Variants in KIF16B observed in about 807,000 individuals in gnomAD.
KIF16B encodes the protein kinesin-like protein KIF16B.
Under a neutral mutation model 156.3 loss-of-function variants are expected in KIF16B, and 98 were observed. The observed-to-expected ratio is 0.63, with a 90% CI of 0.53 to 0.74. KIF16B has a LOEUF of 0.74. Among genes scored for constraint, KIF16B ranks in the 30% least tolerant of loss-of-function variants. The pLI is 0.00. For missense variants in KIF16B, 1,421 were observed against 1,606.5 expected (o/e 0.88, Z 1.97); for synonymous variants, 564 against 583.7 (o/e 0.97, Z 0.49).
chr20:16,550,892 A>C (rs1439573449), intron 1 of KIF16B, among the ~76,000 whole-genome samples: 1 of 152,088 alleles, frequency 6.6e-6, no homozygotes, highest in Non-Finnish European at 1.5e-5. Flanking sequence ...CGGGTGTTCT[A>C]AAACATTTTT....
At chr20:16,284,665 G>A (rs1332600897) in intron 25 of KIF16B, among the ~76,000 whole-genome samples, 1 of 152,116 alleles carries the variant, frequency 6.6e-6, no homozygotes, top group Admixed American at 6.5e-5. Context: ...TTCCTCACGA[G>A]CTCAAAGAGG....
intron 1 of KIF16B, among the ~76,000 whole-genome samples, chr20:16,543,516 A>C (rs2070284563): frequency 6.6e-6 from 1 of 152,218 alleles, no homozygotes; most frequent in Admixed American, 6.5e-5. Context: ...CAGATGCCTT[A>C]CTCAAGGTAT....
intron 19 of KIF16B, among the ~76,000 whole-genome samples, 195 bp from the exon 20 acceptor site, chr20:16,374,604 C>T (rs1034239363): frequency 4.6e-5 from 7 of 152,130 alleles, no homozygotes; most frequent in African/African-American, 1.4e-4. Context: ...AAGAAGGGTC[C>T]AGGACGAGCA....
In KIF16B at chr20:16,336,082, A is replaced by G. The variant is rs566229553; in HGVS notation, c.3622-67T>C. ...AAAAGTCACTAAAATTTTTCAAAAG[A>G]ATTTAAAAATTAAATTTAAAAAAAG... On this transcript the variant is annotated intron_variant, in intron 23 of 25. Transcript: ENST00000354981. 1.2e-4 allele frequency: 115 copies of G among 935,278 alleles called. 3 individuals carry two copies. The South Asian group carries it at 1.7e-3, about 14-fold the overall frequency. 57.9% of individuals were successfully genotyped at this position (935,278 alleles called of 1,614,324 possible). A position where few individuals can be genotyped will look rare whatever the true frequency, so the allele number is the denominator to read the frequency against.
intron 1 of KIF16B, among the ~76,000 whole-genome samples, chr20:16,538,091 C>T (rs568051764): frequency 1.3e-5 from 2 of 152,252 alleles, no homozygotes; most frequent in South Asian, 4.1e-4. Flanking sequence ...CCCCCTCATA[C>T]ACCTACCTAG....
chr20:16,341,657 T>A (rs762668868), intron 23 of KIF16B, among the ~76,000 whole-genome samples: 3 of 152,254 alleles, frequency 2.0e-5, no homozygotes, highest in Admixed American at 6.5e-5. Context: ...TCAGCTGCAC[T>A]GGGGCACTTG....
intron 25 of KIF16B, among the ~76,000 whole-genome samples, chr20:16,293,072 G>T (rs1378815534): frequency 6.6e-6 from 1 of 151,654 alleles, no homozygotes; most frequent in Non-Finnish European, 1.5e-5. Flanking sequence ...CAGACCACGA[G>T]GTTCAACACT....
At chr20:16,476,536 C>T (rs369731794) in intron 12 of KIF16B, among the ~76,000 whole-genome samples, 1 of 152,004 alleles carries the variant, frequency 6.6e-6, no homozygotes, top group Non-Finnish European at 1.5e-5. Context: ...AAATACAAGC[C>T]CTTTATTCAA....
intron 24 of KIF16B, among the ~76,000 whole-genome samples, chr20:16,325,473 T>C (rs1396827872): frequency 1.3e-5 from 2 of 151,708 alleles, no homozygotes; most frequent in African/African-American, 2.4e-5. Flanking sequence ...ACAAAATGAA[T>C]GTATACAAAT....
At chr20:16,514,201 G>GT (rs200560111) in intron 4 of KIF16B, among the ~76,000 whole-genome samples, 1,820 of 148,140 alleles carry the variant, frequency 0.012, 16 homozygotes, top group Middle Eastern at 0.063. Context: ...TGGAAGTTTT[G>GT]TTTTTTTTTT....
chr20:16,477,577 T>C (rs2067855799), intron 12 of KIF16B, among the ~76,000 whole-genome samples: 1 of 152,148 alleles, frequency 6.6e-6, no homozygotes, highest in Non-Finnish European at 1.5e-5. Context: ...AGAAATCATG[T>C]TATTTAAGGG....
chr20:16,422,019 C>A (rs1047493384), intron 15 of KIF16B, among the ~76,000 whole-genome samples: 1 of 152,046 alleles, frequency 6.6e-6, no homozygotes. Context: ...TGGTTCCTAA[C>A]CTGAATCATT....
intron 24 of KIF16B, among the ~76,000 whole-genome samples, chr20:16,330,515 C>G (rs1467010641): frequency 6.6e-6 from 1 of 152,146 alleles, no homozygotes; most frequent in South Asian, 2.1e-4. Context: ...CAAAGAAAGT[C>G]TAACACATGA....
At chr20:16,505,446 T>C (rs1291987458) in intron 9 of KIF16B, among the ~76,000 whole-genome samples, 1 of 152,232 alleles carries the variant, frequency 6.6e-6, no homozygotes, top group Non-Finnish European at 1.5e-5. Flanking sequence ...ATGAGGTAAA[T>C]TTCTACCTTG....
At chr20:16,536,368 A>G (rs552643701) in intron 1 of KIF16B, among the ~76,000 whole-genome samples, 6 of 152,248 alleles carry the variant, frequency 3.9e-5, no homozygotes, top group African/African-American at 1.4e-4. Flanking sequence ...AGTGAAGAGA[A>G]GTAGGTTAAT....
At chr20:16,559,794 C>T (rs6111180) in intron 1 of KIF16B, among the ~76,000 whole-genome samples, 99,173 of 151,456 alleles carry the variant, frequency 0.65, 33,036 homozygotes, top group African/African-American at 0.79. Context: ...AAAAAAAATG[C>T]TTTACATGAT....
intron 2 of KIF16B, among the ~76,000 whole-genome samples, chr20:16,527,353 C>T (rs982808020): frequency 6.6e-6 from 1 of 152,144 alleles, no homozygotes; most frequent in Non-Finnish European, 1.5e-5. Context: ...CCAGCTTCTA[C>T]CATTGGAGAT....
intron 11 of KIF16B, among the ~76,000 whole-genome samples, chr20:16,497,319 G>A (rs2068479243): frequency 6.6e-6 from 1 of 152,232 alleles, no homozygotes; most frequent in Admixed American, 6.5e-5. Flanking sequence ...CCCTCAAACA[G>A]GGACTCCAGT....
chr20:16,544,669 C>A (rs1192434316), intron 1 of KIF16B, among the ~76,000 whole-genome samples: 1 of 150,298 alleles, frequency 6.7e-6, no homozygotes, highest in Non-Finnish European at 1.5e-5. Flanking sequence ...CCTCTCCTAG[C>A]CAGTATCTTC....
Sources: gnomAD v4.1 joint callset for allele counts (sites outside exome capture counted in the v4.1 genomes callset) on GRCh38, gnomAD v4.1.1 for gene constraint, MANE v1.5 for transcripts, NCBI Gene and HGNC (gene_info 2026-07-23, HGNC 2026-07-21) for gene names.